ATOSB: variants seen among roughly 807,000 people sequenced by gnomAD.
ATOSB encodes atos homolog B.
chr9:35,113,681 C>A, the ATOSB span, among the ~76,000 whole-genome samples: 5 of 150,376 alleles, frequency 3.3e-5, no homozygotes, highest in South Asian at 8.4e-4. Flanking sequence ...AATAAAGAGG[C>A]CTTACCTTCC....
At chr9:35,112,260 G>C in the ATOSB span, 1 of 152,036 alleles carries the variant, frequency 6.6e-6, no homozygotes, top group African/African-American at 2.4e-5. Context: ...TAATCTCAGG[G>C]ACCAGCATTA....
the ATOSB span, among the ~76,000 whole-genome samples, chr9:35,111,988 T>G: frequency 6.6e-6 from 1 of 152,212 alleles, no homozygotes; most frequent in African/African-American, 2.4e-5. Flanking sequence ...CCTCAAAGTC[T>G]GCCTGCTGTC....
At chr9:35,111,006 G>A in the ATOSB span, 17 of 152,462 alleles carry the variant, frequency 1.1e-4, no homozygotes, top group African/African-American at 4.1e-4. Flanking sequence ...TGGGTAGGAA[G>A]GTCGACTTCT....
At chr9:35,108,355 T>G in the ATOSB span, 6 of 1,440,490 alleles carry the variant, frequency 4.2e-6, no homozygotes, top group Non-Finnish European at 5.4e-6. Context: ...GACATCTGTG[T>G]AAGAGAAGAG....
chr9:35,107,259 G>T, the ATOSB span: 1 of 1,198,010 alleles, frequency 8.3e-7, no homozygotes, highest in Non-Finnish European at 1.1e-6. Context: ...GGAGGAGGAG[G>T]TTGCAGTCAG....
the ATOSB span, chr9:35,112,272 T>C: frequency 2.0e-5 from 3 of 152,038 alleles, no homozygotes; most frequent in South Asian, 6.2e-4. Flanking sequence ...CCAGCATTAT[T>C]CTTTGTGCCT....
chr9:35,113,401 G>A, the ATOSB span, among the ~76,000 whole-genome samples: 7 of 152,198 alleles, frequency 4.6e-5, no homozygotes, highest in Middle Eastern at 3.4e-3. Context: ...CAAAGTGGGC[G>A]GATCACAAGC....
At chr9:35,106,820 G>C in the ATOSB span, 1 of 1,564,152 alleles carries the variant, frequency 6.4e-7, no homozygotes, top group Non-Finnish European at 8.7e-7. This position sits in a 1 kb window ranked among gnomAD's most constrained non-coding sequence, Gnocchi z 4.6. Flanking sequence ...AGAGGAAAAA[G>C]CTGGTCACTT....
the ATOSB span, chr9:35,106,216 T>C: frequency 6.2e-7 from 1 of 1,611,878 alleles, no homozygotes. This position sits in a 1 kb window ranked among gnomAD's most constrained non-coding sequence, Gnocchi z 4.6. Context: ...CTCATCCTCT[T>C]GATGAGCTGA....
the ATOSB span, chr9:35,106,585 G>A: frequency 1.3e-6 from 2 of 1,569,108 alleles, no homozygotes; most frequent in Non-Finnish European, 1.7e-6. This position sits in a 1 kb window ranked among gnomAD's most constrained non-coding sequence, Gnocchi z 4.6. Context: ...GTAGGAACAG[G>A]GGAGGCACTG....
chr9:35,114,922 G>A, the ATOSB span, among the ~76,000 whole-genome samples: 17 of 152,130 alleles, frequency 1.1e-4, no homozygotes, highest in Non-Finnish European at 2.4e-4. Context: ...GGTTACCAGG[G>A]TCTCTGGTCA....
chr9:35,108,624 C>T, the ATOSB span: 98 of 1,059,824 alleles, frequency 9.2e-5, 1 homozygote, highest in Middle Eastern at 3.1e-3. Flanking sequence ...CCTAGCTGTG[C>T]GTCCCCTCTT....
chr9:35,108,266 G>T, the ATOSB span: 9 of 1,549,236 alleles, frequency 5.8e-6, no homozygotes, highest in South Asian at 1.2e-5. Context: ...CCGCCTGCAC[G>T]TGGCGCATGA....
chr9:35,108,559 T>C, the ATOSB span: 2 of 1,215,504 alleles, frequency 1.6e-6, no homozygotes, highest in African/African-American at 3.2e-5. Flanking sequence ...GGCTTCTTAC[T>C]GGACACACTT....
chr9:35,113,672 A>G, the ATOSB span, among the ~76,000 whole-genome samples: 12 of 131,018 alleles, frequency 9.2e-5, no homozygotes, highest in Non-Finnish European at 1.6e-4. Context: ...AAATAAATAA[A>G]TAAAGAGGCC....
the ATOSB span, chr9:35,107,460 G>A: frequency 6.2e-7 from 1 of 1,612,384 alleles, no homozygotes; most frequent in Non-Finnish European, 8.5e-7. Context: ...GGCAGCAGTA[G>A]GGTGGCCCAG....
the ATOSB span, among the ~76,000 whole-genome samples, chr9:35,114,420 G>C: frequency 6.6e-6 from 1 of 151,616 alleles, no homozygotes; most frequent in Non-Finnish European, 1.5e-5. Flanking sequence ...CTGGGTGGTT[G>C]TGTGAGGAGG....
chr9:35,104,501 G>A, the ATOSB span: 8 of 196,688 alleles, frequency 4.1e-5, no homozygotes, highest in African/African-American at 1.9e-4. Flanking sequence ...GGAGTCTGGA[G>A]CCCTAGGTGA....
chr9:35,106,049 G>C, the ATOSB span: 1 of 1,591,752 alleles, frequency 6.3e-7, no homozygotes, highest in Non-Finnish European at 8.6e-7. This position sits in a 1 kb window ranked among gnomAD's most constrained non-coding sequence, Gnocchi z 4.6. Flanking sequence ...TGGGGACTAG[G>C]AAAACCCTGG....
Sources: allele counts gnomAD v4.1 joint callset (sites outside exome capture counted in the v4.1 genomes callset), GRCh38; gene constraint gnomAD v4.1.1; non-coding constraint Gnocchi (gnomAD v3.1); transcripts MANE v1.5; gene names NCBI Gene and HGNC (gene_info 2026-07-23, HGNC 2026-07-21).